The following FHOD3 variants were observed in gnomAD, a reference collection of about 807,000 sequenced individuals.
The protein encoded by FHOD3 is FH1/FH2 domain-containing protein 3.
FHOD3 carries 90 observed loss-of-function variants against 173.0 expected under a neutral mutation model. That is an observed-to-expected ratio of 0.52 (90% CI 0.44 to 0.62). The LOEUF (loss-of-function observed/expected upper bound fraction) is 0.62. FHOD3 is among the 20% of genes least tolerant of loss of function. The pLI is 0.00. For missense variants in FHOD3, 1,945 were observed against 2,034.7 expected (o/e 0.96, Z 0.85); for synonymous variants, 828 against 823.0 (o/e 1.01, Z -0.10).
At chr18:36,370,381 AC>A (rs2047122914) in intron 2 of FHOD3, among the ~76,000 whole-genome samples, 1 of 152,014 alleles carries the variant, frequency 6.6e-6, no homozygotes, top group Non-Finnish European at 1.5e-5. Flanking sequence ...AGCTTAACAA[AC>A]CAATTGCCTG....
intron 16 of FHOD3, among the ~76,000 whole-genome samples, chr18:36,687,700 G>A (rs2038713592): frequency 6.6e-6 from 1 of 152,164 alleles, no homozygotes; most frequent in South Asian, 2.1e-4. Flanking sequence ...CCACCACAGT[G>A]CTTGGCATGT....
At chr18:36,450,101 C>A (rs1396597221) in intron 3 of FHOD3, among the ~76,000 whole-genome samples, 1 of 152,144 alleles carries the variant, frequency 6.6e-6, no homozygotes, top group African/African-American at 2.4e-5. Context: ...TCCCCAAAGT[C>A]CATTGTATCA....
intron 24 of FHOD3, 69 bp from the exon 25 acceptor site, chr18:36,755,050 G>C (rs886109973): frequency 2.4e-6 from 2 of 825,242 alleles, no homozygotes; most frequent in South Asian, 3.2e-5. Context: ...TTCTTACTGA[G>C]AGATTTTAGA....
intron 5 of FHOD3, among the ~76,000 whole-genome samples, chr18:36,515,907 A>G (rs2055946861): frequency 6.6e-6 from 1 of 152,222 alleles, no homozygotes; most frequent in Admixed American, 6.5e-5. Flanking sequence ...TATGTCTCAG[A>G]AGACTTGGTC....
chr18:36,298,757 AG>A (rs1204285744), intron 1 of FHOD3, among the ~76,000 whole-genome samples: 137 of 108,312 alleles, frequency 1.3e-3, no homozygotes, highest in African/African-American at 4.6e-3. Flanking sequence ...CCCGTTAGAG[AG>A]GTTTTTTTTT....
At chr18:36,696,667 C>A (rs2039300811) in intron 17 of FHOD3, among the ~76,000 whole-genome samples, 1 of 152,172 alleles carries the variant, frequency 6.6e-6, no homozygotes, top group Non-Finnish European at 1.5e-5. Flanking sequence ...TCAATACATG[C>A]TTGAATTAAT....
At chr18:36,762,080 C>T (rs1009002535) in intron 27 of FHOD3, among the ~76,000 whole-genome samples, 8 of 152,068 alleles carry the variant, frequency 5.3e-5, no homozygotes, top group Non-Finnish European at 1.0e-4. Context: ...CCTGAGGAGG[C>T]TCTTCAGTGA....
At chr18:36,513,107 C>G (rs1458436847) in intron 5 of FHOD3, among the ~76,000 whole-genome samples, 1 of 151,292 alleles carries the variant, frequency 6.6e-6, no homozygotes, top group Non-Finnish European at 1.5e-5. Flanking sequence ...ATTCCTGTTC[C>G]AGTTTATAGT....
intron 3 of FHOD3, among the ~76,000 whole-genome samples, chr18:36,453,259 G>A (rs182789889): frequency 6.6e-6 from 1 of 152,182 alleles, no homozygotes; most frequent in Non-Finnish European, 1.5e-5. Flanking sequence ...GCATCTCTGG[G>A]TATAAAAATT....
intron 5 of FHOD3, among the ~76,000 whole-genome samples, chr18:36,574,551 C>G (rs1004436027): frequency 2.6e-5 from 4 of 151,960 alleles, no homozygotes; most frequent in African/African-American, 7.3e-5. Flanking sequence ...ATGCTGCATT[C>G]AAATGCTGCA....
intron 5 of FHOD3, among the ~76,000 whole-genome samples, chr18:36,523,075 T>C (rs2056349920): frequency 6.6e-6 from 1 of 152,174 alleles, no homozygotes; most frequent in South Asian, 2.1e-4. Context: ...TAGTACTCCC[T>C]AGCCCCCCAA....
intron 3 of FHOD3, among the ~76,000 whole-genome samples, chr18:36,441,199 A>G (rs1834984101): frequency 6.6e-6 from 1 of 152,056 alleles, no homozygotes; most frequent in African/African-American, 2.4e-5. Context: ...GAGCAGGTAT[A>G]TGCCCCAGAG....
chr18:36,721,249 A>C (rs930058006), intron 19 of FHOD3, among the ~76,000 whole-genome samples: 28 of 152,242 alleles, frequency 1.8e-4, no homozygotes, highest in African/African-American at 6.8e-4. Context: ...AATGAGACCC[A>C]AAAACCCCTA....
At chr18:36,493,082 G>C (rs1362631029) in intron 3 of FHOD3, among the ~76,000 whole-genome samples, 1 of 152,140 alleles carries the variant, frequency 6.6e-6, no homozygotes, top group Non-Finnish European at 1.5e-5. Flanking sequence ...CAATGAAGAT[G>C]TTGGATTCGG....
intron 3 of FHOD3, among the ~76,000 whole-genome samples, chr18:36,401,267 A>G (rs1227653464): frequency 1.3e-5 from 2 of 152,100 alleles, no homozygotes; most frequent in Non-Finnish European, 2.9e-5. Context: ...CTTGTTAACC[A>G]CTTTCCCCTT....
rs1432868602 is a variant in FHOD3, at chr18:36,652,904, G to A, written c.1621G>A (p.Glu541Lys). Residue 541 changes from glutamate to lysine, a missense_variant, in exon 12 of 29, where the codon GAA (glutamate) becomes AAA (lysine). Glu to Lys is a moderately conservative substitution (Grantham distance 56). Coordinates refer to ENST00000590592, the MANE Select transcript of FHOD3 (RefSeq NM_001281740.3). Reference sequence around the variant, plus strand: ...CTCCTCCCTGTCCACCAAGGAGAAGGAAGCAGAGTCCCAGAAGGAAAACAG... The same window carrying A: ...CTCCTCCCTGTCCACCAAGGAGAAGAAAGCAGAGTCCCAGAAGGAAAACAG... Reference protein sequence around the residue: ...EDSSLSTKEKEAESQKENSSS... With the variant: ...EDSSLSTKEKKAESQKENSSS... 2.0e-6 allele frequency: 3 copies of A among 1,534,024 alleles called. No homozygotes were observed. In the African/African-American group the frequency reaches 4.1e-5, roughly 21 times the overall value.
chr18:36,332,933 C>T (rs2045099622), intron 1 of FHOD3, among the ~76,000 whole-genome samples: 1 of 152,244 alleles, frequency 6.6e-6, no homozygotes, highest in Admixed American at 6.5e-5. Context: ...TGATTTGAGC[C>T]AGACTCTGCC....
intron 19 of FHOD3, among the ~76,000 whole-genome samples, chr18:36,722,243 T>G (rs2149814650): frequency 6.6e-6 from 1 of 152,314 alleles, no homozygotes; most frequent in East Asian, 1.9e-4. Flanking sequence ...CTAAGAAAGA[T>G]GTCAGGGCAG....
chr18:36,473,247 C>G (rs1215779230), intron 3 of FHOD3, among the ~76,000 whole-genome samples: 5 of 152,158 alleles, frequency 3.3e-5, no homozygotes, highest in Non-Finnish European at 5.9e-5. Flanking sequence ...AACCCTGTCT[C>G]TACTAAAAAT....
Sources: gnomAD v4.1 joint callset for allele counts (sites outside exome capture counted in the v4.1 genomes callset) on GRCh38, gnomAD v4.1.1 for gene constraint, MANE v1.5 for transcripts, NCBI Gene and HGNC (gene_info 2026-07-23, HGNC 2026-07-21) for gene names.